The following AMBN variants were observed in gnomAD, a reference collection of about 807,000 sequenced individuals.
AMBN encodes ameloblastin, also known as enamel matrix protein.
AMBN carries 54 observed loss-of-function variants against 48.0 expected under a neutral mutation model. The ratio of observed to expected loss-of-function variants is 1.12; its 90% CI spans 0.90 to 1.41. The LOEUF (loss-of-function observed/expected upper bound fraction) is 1.41. Ranked by LOEUF, AMBN falls within the 40% of genes most tolerant of loss-of-function variation. AMBN has a pLI of 0.00. For missense variants in AMBN, 571 were observed against 547.3 expected (o/e 1.04, Z -0.43); for synonymous variants, 186 against 190.0 (o/e 0.98, Z 0.17).
Position 70,605,662 on chromosome 4 carries a change from C to G in AMBN, c.799-523C>G, listed in dbSNP as rs1020250258. On this transcript the variant is annotated intron_variant, in intron 12 of 12. Coordinates refer to ENST00000322937, the MANE Select transcript of AMBN (RefSeq NM_016519.6). ...TCTTAGCTGGGTGCAGTGTCTCACCCCTGTGATCCCAGCTACTAGGGAGGC... is the reference window on the plus strand; with the variant it reads ...TCTTAGCTGGGTGCAGTGTCTCACCGCTGTGATCCCAGCTACTAGGGAGGC... Among the ~76,000 whole-genome samples the G allele has an allele frequency of 7.2e-5, 11 of 152,140 alleles. 1 individual carries two copies. In the South Asian group the frequency reaches 1.7e-3, roughly 23 times the overall value.
intron 2 of AMBN, among the ~76,000 whole-genome samples, chr4:70,594,748 C>G (rs1409296168): frequency 2.0e-5 from 3 of 152,190 alleles, no homozygotes; most frequent in African/African-American, 7.2e-5. Context: ...GAGCCTCAGT[C>G]ATTCACTATC....
At chr4:70,602,560 A>T in intron 6 of AMBN, 64 bp from the exon 7 acceptor site, 1 of 1,228,148 alleles carries the variant, frequency 8.1e-7, no homozygotes, top group Non-Finnish European at 1.1e-6. Flanking sequence ...TTTTATTTTT[A>T]ATGTCACTTT....
rs755836287 is a variant in AMBN at position 70,601,577 on chromosome 4, C to T, written c.454C>T (p.His152Tyr). The change falls in exon 6 of 13, where the codon CAT becomes TAT. Residue 152 changes from histidine (H) to tyrosine (Y), a missense_variant. Coordinates refer to ENST00000322937, the MANE Select transcript of AMBN (RefSeq NM_016519.6). ...EALQPPIHLG[H>Y]LPLQEGELPL... ...ACTTCAGCCTCCAATTCACCTGGGA[C>T]ATCTGCCCTTGCAGGAAGGAGAACT... is the stretch of plus-strand genomic sequence containing the variant. The T allele has an allele frequency of 3.7e-6, 6 of 1,614,170 alleles. No individual in the cohort carries two copies. The Admixed American group carries it at 6.7e-5, about 18-fold the overall frequency.
At chr4:70,601,271 T>C in intron 5 of AMBN, 147 bp from the exon 6 acceptor site, 1 of 794,764 alleles carries the variant, frequency 1.3e-6, no homozygotes, top group South Asian at 1.7e-5. Flanking sequence ...CACTAACTGG[T>C]GCTTGCTATG....
intron 3 of AMBN, 85 bp downstream of exon 3, chr4:70,597,134 T>C: frequency 7.8e-7 from 1 of 1,274,268 alleles, no homozygotes; most frequent in East Asian, 2.4e-5. Flanking sequence ...TGCTTCTCAG[T>C]TTTCCTAGCC....
intron 2 of AMBN, 85 bp downstream of exon 2, chr4:70,593,480 C>A (rs1737320395): frequency 8.7e-7 from 1 of 1,143,800 alleles, no homozygotes; most frequent in Non-Finnish European, 1.3e-6. Flanking sequence ...GACTGAGAGT[C>A]CACGCATAGA....
At position 70,606,373 on chromosome 4, in the gene AMBN, G is replaced by A. The variant is rs147852217; in HGVS notation, c.987G>A (p.Pro329=). The part of the protein sequence containing the change: ...EEGGAQGSPM[P]EANPDNLENP... ...GAGGTGCACAAGGCTCCCCTATGCC[G>A]GAGGCCAACCCAGACAATCTAGAAA... is the stretch of plus-strand genomic sequence containing the variant. The change falls in exon 13 of 13, where the codon CCG becomes CCA. Residue 329 remains proline, a synonymous_variant. Coordinates refer to ENST00000322937, the MANE Select transcript of AMBN (RefSeq NM_016519.6). The A allele has an allele frequency of 4.6e-4, 744 of 1,614,006 alleles. No individual in the cohort carries two copies. Among genetic ancestry groups the A allele is most frequent in the Non-Finnish European group, 5.2e-4 (612 of 1,179,982 alleles).
chr4:70,605,907 A>C (rs1737630774), intron 12 of AMBN, among the ~76,000 whole-genome samples: 1 of 152,190 alleles, frequency 6.6e-6, no homozygotes, highest in Non-Finnish European at 1.5e-5. Context: ...TCTTAAAATT[A>C]AATTCAAACT....
intron 11 of AMBN, 77 bp downstream of exon 11, chr4:70,603,537 TCA>T: frequency 7.2e-7 from 1 of 1,396,848 alleles, no homozygotes; most frequent in Non-Finnish European, 9.9e-7. Context: ...AATCTAGGTC[TCA>T]CACAAGAGAT....
chr4:70,597,702 T>C (rs1737418038), intron 3 of AMBN, among the ~76,000 whole-genome samples: 1 of 152,104 alleles, frequency 6.6e-6, no homozygotes, highest in Non-Finnish European at 1.5e-5. Flanking sequence ...GGGCAGTCAA[T>C]ACCTATTTGA....
chr4:70,602,046 A>G (rs780129733), intron 6 of AMBN: 5 of 414,286 alleles, frequency 1.2e-5, no homozygotes, highest in African/African-American at 2.1e-5. Context: ...TTGCATTATT[A>G]TCTCTCTGAC....
intron 2 of AMBN, among the ~76,000 whole-genome samples, chr4:70,596,012 A>G (rs1208867297): frequency 6.6e-6 from 1 of 152,096 alleles, no homozygotes; most frequent in African/African-American, 2.4e-5. Flanking sequence ...AAAGGAAGCC[A>G]GATGCAGTGG....
In AMBN at chr4:70,599,446, A is replaced by C. The variant is rs1034115409; in HGVS notation, c.184-90A>C. On this transcript the variant is annotated intron_variant, in intron 4 of 12. Transcript: ENST00000322937. ...CAGAGCAAGATTCCATCTCAAAAAA[A>C]AAAAGAAAAAGGAAAAGGAAAACCA... 7.0e-5 allele frequency: 73 copies of C among 1,048,140 alleles called. 2 individuals are homozygous for C. Among genetic ancestry groups the C allele is most frequent in the Non-Finnish European group, 9.7e-5 (72 of 743,356 alleles). The allele number at this position is 1,048,140 out of a possible 1,614,324, so 64.9% of individuals were successfully genotyped here.
chr4:70,599,355 C>T (rs1450237126), intron 4 of AMBN, among the ~76,000 whole-genome samples, 181 bp from the exon 5 acceptor site: 4 of 151,684 alleles, frequency 2.6e-5, no homozygotes, highest in East Asian at 3.9e-4. Flanking sequence ...GCATGAGAAT[C>T]GCTTGAACCC....
In AMBN at chr4:70,597,026, G is replaced by C. The variant is rs939289963; in HGVS notation, c.112G>C (p.Gly38Arg). ...CTTTCCTCAGCAATCTGGAACACCG[G>C]GTATGGCTAGTTTGAGCCTTGAGGT... Reference protein sequence around the residue: ...PFFPQQSGTPGMASLSLETMR... With the variant: ...PFFPQQSGTPRMASLSLETMR... The change falls in exon 3 of 13, where the codon GGT becomes CGT. Residue 38 changes from glycine (G) to arginine (R), a missense_variant. Physicochemically the swap from Gly to Arg is moderately radical, Grantham distance 125 (BLOSUM62 -2). Transcript: ENST00000322937. 1.9e-6 allele frequency: 3 copies of C among 1,613,152 alleles called. No homozygotes were observed. Among genetic ancestry groups the C allele is most frequent in the South Asian group, 1.1e-5 (1 of 90,970 alleles).
intron 3 of AMBN, among the ~76,000 whole-genome samples, chr4:70,597,432 T>C (rs1737411959): frequency 6.6e-6 from 1 of 152,152 alleles, no homozygotes; most frequent in Non-Finnish European, 1.5e-5. Context: ...AAAAATTTTG[T>C]ACCTGTACAA....
At chr4:70,593,027 T>C (rs1488331033) in intron 1 of AMBN, among the ~76,000 whole-genome samples, 2 of 152,340 alleles carry the variant, frequency 1.3e-5, no homozygotes, top group African/African-American at 2.4e-5. Flanking sequence ...CATAATTCAC[T>C]TTATGAAATG....
At chr4:70,604,586 G>T (rs1444311241) in intron 12 of AMBN, among the ~76,000 whole-genome samples, 1 of 152,166 alleles carries the variant, frequency 6.6e-6, no homozygotes, top group Non-Finnish European at 1.5e-5. Flanking sequence ...ATCCTGTCAA[G>T]TTAACAAACA....
chr4:70,600,001 C>A (rs1381971642), intron 5 of AMBN, among the ~76,000 whole-genome samples: 1 of 152,030 alleles, frequency 6.6e-6, no homozygotes, highest in Non-Finnish European at 1.5e-5. Flanking sequence ...CAAATGATGA[C>A]AATAATCCTG....
Sources: gnomAD v4.1 joint callset for allele counts (sites outside exome capture counted in the v4.1 genomes callset) on GRCh38, gnomAD v4.1.1 for gene constraint, MANE v1.5 for transcripts, NCBI Gene and HGNC (gene_info 2026-07-23, HGNC 2026-07-21) for gene names.